ANGPT2: variants seen among roughly 807,000 people sequenced by gnomAD.
ANGPT2 encodes angiopoietin 2.
A neutral mutation model predicts 62.9 loss-of-function variants in ANGPT2; 28 were observed. The observed-to-expected ratio is 0.44, with a 90% confidence interval of 0.33 to 0.61. The LOEUF is 0.61. Among genes scored for constraint, ANGPT2 ranks in the 20% least tolerant of loss-of-function variants. The pLI is 0.03. For missense variants in ANGPT2, 727 were observed against 594.9 expected, an observed-to-expected ratio of 1.22 and a Z score of -2.31; for synonymous variants, 284 against 207.8, an observed-to-expected ratio of 1.37 and a Z score of -3.15.
At chr8:6,506,957 G>T (rs534482516) in intron 8 of ANGPT2, among the ~76,000 whole-genome samples, 1 of 151,872 alleles carries the variant, frequency 6.6e-6, no homozygotes, top group Non-Finnish European at 1.5e-5. Flanking sequence ...GATTGTACTG[G>T]TGCGATCTCG....
At chr8:6,554,427 A>G (rs369601776) in intron 1 of ANGPT2, among the ~76,000 whole-genome samples, 1 of 152,128 alleles carries the variant, frequency 6.6e-6, no homozygotes, top group Non-Finnish European at 1.5e-5. Context: ...TTGCTTCTCT[A>G]TGAGACATCG....
chr8:6,536,291 C>G (rs765327238), intron 1 of ANGPT2, among the ~76,000 whole-genome samples: 8 of 152,074 alleles, frequency 5.3e-5, no homozygotes, highest in African/African-American at 1.4e-4. Context: ...ATCGCTGTGT[C>G]GGGATCCCAG....
intron 1 of ANGPT2, among the ~76,000 whole-genome samples, chr8:6,541,386 C>T (rs563605992): frequency 1.3e-5 from 2 of 152,220 alleles, no homozygotes; most frequent in Admixed American, 1.3e-4. Context: ...GTATTTATAG[C>T]CCCCAGTCAG....
rs920517168 is a variant in ANGPT2 at position 6,501,172 on chromosome 8, A to G, written c.*1929T>C. 6.6e-6 allele frequency: 1 copy of G among 152,262 alleles called. No individual in the cohort carries two copies. Among genetic ancestry groups the G allele is most frequent in the Non-Finnish European group, 1.5e-5 (1 of 68,048 alleles). 9.4% of individuals were successfully genotyped at this position (152,262 alleles called of 1,614,324 possible). On this transcript the variant is annotated 3_prime_UTR_variant, in exon 9 of 9. Transcript: ENST00000629816. ...AAGTGCACCTTGGTGGAAATAAAAC[A>G]GAGCCTTGACTTTGCCAGAGTCCAT... is the stretch of plus-strand genomic sequence containing the variant.
intron 1 of ANGPT2, among the ~76,000 whole-genome samples, chr8:6,533,956 T>G (rs1003671045): frequency 6.6e-6 from 1 of 152,162 alleles, no homozygotes; most frequent in South Asian, 2.1e-4. Flanking sequence ...TGGTATCAGA[T>G]GGTTTTAGGA....
At chr8:6,551,279 G>A (rs368510178) in intron 1 of ANGPT2, among the ~76,000 whole-genome samples, 4 of 151,988 alleles carry the variant, frequency 2.6e-5, no homozygotes, top group Non-Finnish European at 5.9e-5. Flanking sequence ...TAGTGGTAGC[G>A]GTATTTAGGG....
chr8:6,519,760 G>T, intron 5 of ANGPT2, 104 bp downstream of exon 5: 2 of 1,438,558 alleles, frequency 1.4e-6, no homozygotes, highest in Non-Finnish European at 1.9e-6. Flanking sequence ...ACTGTGTGAG[G>T]CTGGGGAAGA....
intron 1 of ANGPT2, among the ~76,000 whole-genome samples, chr8:6,541,022 T>C (rs1426934559): frequency 1.6e-5 from 2 of 127,596 alleles, no homozygotes; most frequent in Non-Finnish European, 3.7e-5. Flanking sequence ...GAGCTGTGCT[T>C]GCGAGAGTGC....
At chr8:6,558,018 T>A (rs1473005076) in intron 1 of ANGPT2, among the ~76,000 whole-genome samples, 1 of 152,192 alleles carries the variant, frequency 6.6e-6, no homozygotes, top group Non-Finnish European at 1.5e-5. Context: ...TCTCTGTCTC[T>A]CCTGCCCCTG....
At chr8:6,528,130 C>G (rs1313768178) in intron 2 of ANGPT2, among the ~76,000 whole-genome samples, 3 of 152,144 alleles carry the variant, frequency 2.0e-5, no homozygotes, top group Non-Finnish European at 4.4e-5. Context: ...CTCCTGACCT[C>G]AAGGGATTCA....
intron 2 of ANGPT2, among the ~76,000 whole-genome samples, chr8:6,531,408 C>G (rs760499016): frequency 2.6e-4 from 40 of 151,930 alleles, no homozygotes; most frequent in Non-Finnish European, 3.8e-4. Flanking sequence ...CCTGCCTCAG[C>G]CTCCCAAGTA....
In ANGPT2 at chr8:6,513,778, G is replaced by C. The variant is rs1689824069; in HGVS notation, c.1096C>G (p.Gln366Glu). ...AGGTGTATTTTAAGCACATAGCGTTGCTGATTAGTCAGTTGCGAAACAAAC... is the reference window on the plus strand; with the variant it reads ...AGGTGTATTTTAAGCACATAGCGTTCCTGATTAGTCAGTTGCGAAACAAAC... ...NEFVSQLTNQ[Q>E]RYVLKIHLKD... The change falls in exon 7 of 9, where the codon CAA becomes GAA. Residue 366 changes from glutamine (Q) to glutamate (E), a missense_variant. Physicochemically the swap from Gln to Glu is conservative, Grantham distance 29. Coordinates refer to ENST00000629816, the MANE Select transcript of ANGPT2 (RefSeq NM_001118887.2). 1.2e-6 allele frequency: 2 copies of C among 1,613,996 alleles called. No homozygotes were observed.
In ANGPT2 at chr8:6,501,503, G is replaced by C. The variant is rs2922804; in HGVS notation, c.*1598C>G. 2.0e-5 allele frequency: 3 copies of C among 151,224 alleles called. No individual in the cohort carries two copies. The East Asian group carries it at 5.8e-4, about 29-fold the overall frequency. The allele number at this position is 151,224 out of a possible 1,614,324, so 9.4% of individuals were successfully genotyped here. ...AGGAGTTAAAACTCCAGGAGTTTATGGTTTTGTAGTCCCGAGTATAAAGCT... is the reference window on the plus strand; with the variant it reads ...AGGAGTTAAAACTCCAGGAGTTTATCGTTTTGTAGTCCCGAGTATAAAGCT... On this transcript the variant is annotated 3_prime_UTR_variant, in exon 9 of 9. Coordinates refer to ENST00000629816, the MANE Select transcript of ANGPT2 (RefSeq NM_001118887.2).
At chr8:6,526,893 T>C (rs559375220) in intron 3 of ANGPT2, among the ~76,000 whole-genome samples, 1 of 152,296 alleles carries the variant, frequency 6.6e-6, no homozygotes, top group Non-Finnish European at 1.5e-5. Context: ...TTTTTTTCTA[T>C]TGTTGATCTT....
At chr8:6,550,760 C>T (rs143226790) in intron 1 of ANGPT2, among the ~76,000 whole-genome samples, 3 of 152,266 alleles carry the variant, frequency 2.0e-5, no homozygotes, top group Middle Eastern at 3.4e-3. Context: ...GTTCTGATAC[C>T]TCTCAGAGCT....
intron 1 of ANGPT2, among the ~76,000 whole-genome samples, chr8:6,549,379 A>G (rs911205664): frequency 2.0e-5 from 3 of 152,264 alleles, no homozygotes; most frequent in African/African-American, 7.2e-5. Context: ...ATTACATGAC[A>G]TTCAAAACCT....
intron 1 of ANGPT2, among the ~76,000 whole-genome samples, chr8:6,534,517 C>T (rs1001698004): frequency 2.0e-5 from 3 of 152,098 alleles, no homozygotes; most frequent in African/African-American, 7.2e-5. Flanking sequence ...CATCCACCCG[C>T]CTCAGCCCCC....
At chr8:6,527,511 A>G in intron 3 of ANGPT2, 44 bp downstream of exon 3, 1 of 1,591,302 alleles carries the variant, frequency 6.3e-7, no homozygotes, top group Non-Finnish European at 8.6e-7. Context: ...CATATCTGGA[A>G]AGTGTGCAGT....
At position 6,499,908 on chromosome 8, in the gene ANGPT2, T is replaced by C; in HGVS notation, c.*3193A>G. 2 of 1,613,760 alleles carry C rather than the reference T, an allele frequency of 1.2e-6. No individual in the cohort carries two copies. The highest frequency in any genetic ancestry group is 1.7e-6 in the Non-Finnish European group (2 of 1,179,968). On this transcript the variant is annotated 3_prime_UTR_variant, in exon 9 of 9. Transcript: ENST00000629816. Reference sequence around the variant, plus strand: ...TTTCTGAGGAGCCGTTCGAACTGTCTCACCACTTCCCTGCAGCTCCCGTAA... The same window carrying C: ...TTTCTGAGGAGCCGTTCGAACTGTCCCACCACTTCCCTGCAGCTCCCGTAA...
Sources: allele counts gnomAD v4.1 joint callset (sites outside exome capture counted in the v4.1 genomes callset), GRCh38; gene constraint gnomAD v4.1.1; transcripts MANE v1.5; gene names NCBI Gene and HGNC (gene_info 2026-07-23, HGNC 2026-07-21).